The following FAM13A variants were observed in gnomAD, a reference collection of about 807,000 sequenced individuals.
The protein encoded by FAM13A is family with sequence similarity 13 member A, also known as protein FAM13A.
FAM13A carries 76 observed loss-of-function variants against 129.6 expected under a neutral mutation model. The ratio of observed to expected loss-of-function variants is 0.59; its 90% CI spans 0.49 to 0.71. The LOEUF (loss-of-function observed/expected upper bound fraction) is 0.71. Ranked by LOEUF, FAM13A falls within the 30% of genes least tolerant of loss-of-function variation. The pLI, the probability that FAM13A is intolerant of heterozygous loss-of-function variation, is 0.00. For missense variants in FAM13A, 1,108 were observed against 1,249.3 expected (o/e 0.89, Z 1.70); for synonymous variants, 443 against 449.9 (o/e 0.98, Z 0.20).
chr4:88,893,036 C>A (rs571339712), intron 6 of FAM13A, among the ~76,000 whole-genome samples: 1 of 152,154 alleles, frequency 6.6e-6, no homozygotes, highest in African/African-American at 2.4e-5. Flanking sequence ...AAGTGATAAT[C>A]CAATAGTAAA....
At chr4:88,857,419 G>A (rs1223381138) in intron 6 of FAM13A, among the ~76,000 whole-genome samples, 3 of 152,130 alleles carry the variant, frequency 2.0e-5, no homozygotes, top group East Asian at 3.9e-4. Flanking sequence ...CTTGAGGCCA[G>A]GAGTTCAAGA....
intron 6 of FAM13A, among the ~76,000 whole-genome samples, chr4:88,875,962 C>T (rs6847388): frequency 0.71 from 107,653 of 152,102 alleles, 39,495 homozygotes; most frequent in East Asian, 0.95. Context: ...TATGCAGCCA[C>T]AAAAAAGGAT....
chr4:88,991,377 G>A (rs1447806506), intron 3 of FAM13A, among the ~76,000 whole-genome samples: 2 of 152,118 alleles, frequency 1.3e-5, no homozygotes, highest in East Asian at 1.9e-4. Context: ...GGCGGAGCTC[G>A]CAGTGAGCCG....
Position 88,749,046 on chromosome 4 carries a change from A to C in FAM13A, c.2080-13T>G. ...CACTGTGGGAAGGCTGAGAAAAGGA[A>C]GTCTAGAGTAAATGCTTTGGAACTG... is the stretch of plus-strand genomic sequence containing the variant. On this transcript the variant is annotated splice_polypyrimidine_tract_variant and intron_variant, in intron 16 of 23. Coordinates refer to ENST00000264344, the MANE Select transcript of FAM13A (RefSeq NM_014883.4). 1 of 1,593,734 alleles carries C rather than the reference A, an allele frequency of 6.3e-7. No homozygotes were observed. Among genetic ancestry groups the C allele is most frequent in the Non-Finnish European group, 8.6e-7 (1 of 1,161,998 alleles).
At chr4:88,761,714 T>C (rs1399909896) in intron 13 of FAM13A, among the ~76,000 whole-genome samples, 3 of 152,000 alleles carry the variant, frequency 2.0e-5, no homozygotes, top group Non-Finnish European at 2.9e-5. Context: ...GTGAAAGGCC[T>C]CATATGCCAG....
At chr4:88,950,566 T>C (rs778718373) in intron 4 of FAM13A, among the ~76,000 whole-genome samples, 6 of 152,314 alleles carry the variant, frequency 3.9e-5, no homozygotes, top group South Asian at 2.1e-4. Flanking sequence ...AAGCCATCAA[T>C]AGTATAGAAG....
intron 3 of FAM13A, among the ~76,000 whole-genome samples, chr4:88,995,111 G>A (rs1266424833): frequency 6.6e-6 from 1 of 151,494 alleles, no homozygotes; most frequent in Non-Finnish European, 1.5e-5. Flanking sequence ...CACCCAAAAT[G>A]TATATTTGTT....
chr4:88,990,657 C>A (rs1305030144), intron 4 of FAM13A: 6 of 240,396 alleles, frequency 2.5e-5, no homozygotes, highest in Non-Finnish European at 4.0e-5. Flanking sequence ...CATACTCCTT[C>A]TCTTTCTGCT....
At chr4:88,918,806 G>A (rs1278378155) in intron 5 of FAM13A, among the ~76,000 whole-genome samples, 1 of 152,124 alleles carries the variant, frequency 6.6e-6, no homozygotes, top group Non-Finnish European at 1.5e-5. Context: ...TTCTCCCTCT[G>A]GGCATCAGGG....
intron 4 of FAM13A, among the ~76,000 whole-genome samples, chr4:88,948,154 T>C (rs1202625159): frequency 6.6e-6 from 1 of 152,148 alleles, no homozygotes; most frequent in Non-Finnish European, 1.5e-5. Flanking sequence ...AGCAGAGCTC[T>C]TGGAACAAGG....
chr4:88,987,838 C>CAAA (rs1158179811), intron 4 of FAM13A, among the ~76,000 whole-genome samples: 6 of 71,194 alleles, frequency 8.4e-5, no homozygotes, highest in African/African-American at 1.2e-4. Context: ...AGACTCCTCT[C>CAAA]AAAAAAAAAA....
chr4:88,907,728 T>G (rs1275413089), intron 5 of FAM13A, among the ~76,000 whole-genome samples: 3 of 152,366 alleles, frequency 2.0e-5, no homozygotes, highest in Non-Finnish European at 4.4e-5. Flanking sequence ...GATTGTTCTG[T>G]AAAACATTAG....
In FAM13A at chr4:88,822,319, C is replaced by T. The variant is rs182664997; in HGVS notation, c.1008-17267G>A. On this transcript the variant is annotated intron_variant, in intron 7 of 23. Transcript: ENST00000264344. ...CATAAGACCCTTTGTTTAAATTTAC[C>T]TTTCTCTGCTTTGGTATAACTCCTT... Among the ~76,000 whole-genome samples, 323 of 152,036 alleles carry T rather than the reference C, an allele frequency of 2.1e-3. 2 individuals carry two copies. Among genetic ancestry groups the T allele is most frequent in the Middle Eastern group, 0.01 (3 of 294 alleles).
intron 6 of FAM13A, among the ~76,000 whole-genome samples, chr4:88,853,417 A>G (rs1331927120): frequency 6.6e-6 from 1 of 152,230 alleles, no homozygotes; most frequent in Non-Finnish European, 1.5e-5. Flanking sequence ...ATTAATAGCA[A>G]GAACATGAAA....
At chr4:89,045,980 C>T (rs892692326) in intron 1 of FAM13A, among the ~76,000 whole-genome samples, 15 of 149,038 alleles carry the variant, frequency 1.0e-4, no homozygotes, top group East Asian at 4.0e-4. Context: ...GCCAAGATTG[C>T]GCCATCGCAC....
intron 3 of FAM13A, among the ~76,000 whole-genome samples, chr4:89,001,592 T>C (rs981981402): frequency 6.6e-6 from 1 of 152,190 alleles, no homozygotes; most frequent in South Asian, 2.1e-4. Context: ...GAAGGAAATA[T>C]ATCATATGCT....
At chr4:88,810,273 T>C (rs982979793) in intron 7 of FAM13A, among the ~76,000 whole-genome samples, 1 of 152,112 alleles carries the variant, frequency 6.6e-6, no homozygotes, top group African/African-American at 2.4e-5. Context: ...TAGTGGAAAT[T>C]TGAAATATAC....
chr4:88,836,243 A>G (rs377316090), intron 7 of FAM13A, among the ~76,000 whole-genome samples: 1 of 152,206 alleles, frequency 6.6e-6, no homozygotes, highest in East Asian at 1.9e-4. Context: ...TTATATATAC[A>G]TTACCACAAT....
intron 6 of FAM13A, among the ~76,000 whole-genome samples, chr4:88,903,703 G>A (rs937705157): frequency 9.9e-5 from 15 of 152,130 alleles, no homozygotes; most frequent in African/African-American, 3.6e-4. Flanking sequence ...TACCATTCAG[G>A]ACATAAGCAT....
Sources: gnomAD v4.1 joint callset for allele counts (sites outside exome capture counted in the v4.1 genomes callset) on GRCh38, gnomAD v4.1.1 for gene constraint, MANE v1.5 for transcripts, NCBI Gene and HGNC (gene_info 2026-07-23, HGNC 2026-07-21) for gene names.